Variants in PCDHA8 observed in about 807,000 individuals in gnomAD.
PCDHA8 encodes the protein protocadherin alpha-8.
Under a neutral mutation model 61.8 loss-of-function variants are expected in PCDHA8, and 53 were observed. That is an observed-to-expected ratio of 0.86 (90% CI 0.69 to 1.08). The LOEUF (loss-of-function observed/expected upper bound fraction) is 1.08. Among genes scored for constraint, PCDHA8 ranks in the 50% least tolerant of loss-of-function variants. The pLI is 0.00. For missense variants in PCDHA8, 1,293 were observed against 1,245.0 expected, an observed-to-expected ratio of 1.04 and a Z score of -0.58; for synonymous variants, 618 against 556.6, an observed-to-expected ratio of 1.11 and a Z score of -1.55.
intron 1 of PCDHA8, chr5:140,857,847 CTG>C: frequency 6.3e-7 from 1 of 1,597,872 alleles, no homozygotes; most frequent in Non-Finnish European, 8.6e-7. Flanking sequence ...GACGCTGACT[CTG>C]GATACAACGC....
intron 1 of PCDHA8, chr5:140,852,195 C>A: frequency 2.8e-6 from 2 of 709,280 alleles, no homozygotes; most frequent in African/African-American, 1.9e-5. Context: ...ATGCCAGTAA[C>A]GTTTATTTAA....
In PCDHA8 at chr5:140,843,187, C is replaced by T. The variant is rs2150354856; in HGVS notation, c.1866C>T (p.Phe622=). ...CTGCAAGCAGCCCTCGCATCCCGTT[C>T]CGCGTGGGGCTGTACACGGGCGAGA... is the stretch of plus-strand genomic sequence containing the variant. The part of the protein sequence containing the change: ...QPAASSPRIP[F]RVGLYTGEIS... Residue 622 remains phenylalanine, a synonymous_variant, in exon 1 of 4, where the codon TTC becomes TTT. Transcript: ENST00000531613. 32 of 1,595,934 alleles carry T rather than the reference C, an allele frequency of 2.0e-5. 2 individuals carry two copies. The East Asian group carries it at 2.0e-4, about 10-fold the overall frequency.
chr5:140,920,722 C>T (rs2079784294), intron 1 of PCDHA8, among the ~76,000 whole-genome samples: 1 of 151,872 alleles, frequency 6.6e-6, no homozygotes, highest in Non-Finnish European at 1.5e-5. Context: ...TGTGCGCCTG[C>T]AGTCCCAGCT....
In PCDHA8 at chr5:140,842,998, T is replaced by G. The variant is rs2150349585; in HGVS notation, c.1677T>G (p.Asn559Lys). ...TGCAGGTGTTCGTGCTGGACGAGAA[T>G]GACAACGCGCCGGCACTGCTGGAGC... ...VTLQVFVLDENDNAPALLEPR... is the reference protein window; with the variant it reads ...VTLQVFVLDEKDNAPALLEPR... Residue 559 changes from asparagine to lysine, a missense_variant, in exon 1 of 4, where the codon AAT (asparagine) becomes AAG (lysine). Asn to Lys is a moderately conservative substitution (Grantham distance 94, BLOSUM62 0). Transcript: ENST00000531613. 5 of 1,594,952 alleles carry G rather than the reference T, an allele frequency of 3.1e-6. No homozygotes were observed. The highest frequency in any genetic ancestry group is 4.3e-6 in the Non-Finnish European group (5 of 1,165,408).
At chr5:140,926,888 G>A in intron 1 of PCDHA8, 1 of 1,544,494 alleles carries the variant, frequency 6.5e-7, no homozygotes, top group Non-Finnish European at 8.7e-7. Flanking sequence ...ACGCCTAGAG[G>A]GAGGATGGTG....
At chr5:140,848,733 C>A (rs1554142396) in intron 1 of PCDHA8, 2 of 1,592,812 alleles carry the variant, frequency 1.3e-6, no homozygotes, top group South Asian at 2.2e-5. Flanking sequence ...GGTAAATCTG[C>A]AGAATGGCAT....
chr5:140,845,303 T>C (rs937124524), intron 1 of PCDHA8, among the ~76,000 whole-genome samples: 1 of 149,684 alleles, frequency 6.7e-6, no homozygotes, highest in African/African-American at 2.4e-5. Flanking sequence ...TATGTCTACC[T>C]GGTTCTCAGG....
chr5:140,932,203 T>C (rs1415160763), intron 1 of PCDHA8, among the ~76,000 whole-genome samples: 1 of 151,924 alleles, frequency 6.6e-6, no homozygotes, highest in Non-Finnish European at 1.5e-5. Context: ...TCTGTTAATA[T>C]TCTTGATGGG....
chr5:140,984,971 T>A (rs1437915679), intron 3 of PCDHA8, among the ~76,000 whole-genome samples: 1 of 152,080 alleles, frequency 6.6e-6, no homozygotes, highest in East Asian at 1.9e-4. Flanking sequence ...AGAGTCTCGC[T>A]CTGTCCCCCA....
chr5:140,986,397 C>G (rs943993265), intron 3 of PCDHA8, among the ~76,000 whole-genome samples: 1 of 152,162 alleles, frequency 6.6e-6, no homozygotes. Context: ...AAGGGCCAGT[C>G]GCTCATGTTA....
intron 1 of PCDHA8, chr5:140,863,174 C>T (rs781864500): frequency 1.4e-6 from 1 of 714,706 alleles, no homozygotes; most frequent in East Asian, 4.3e-5. Context: ...GCGCTGACTG[C>T]CACCGTCACC....
intron 1 of PCDHA8, among the ~76,000 whole-genome samples, chr5:140,895,301 C>T (rs2064953096): frequency 6.6e-6 from 1 of 152,000 alleles, no homozygotes; most frequent in Non-Finnish European, 1.5e-5. Flanking sequence ...TCGATTTCCC[C>T]CCTTCCACCC....
intron 3 of PCDHA8, among the ~76,000 whole-genome samples, chr5:140,994,582 G>A (rs1179279862): frequency 6.6e-6 from 1 of 152,062 alleles, no homozygotes; most frequent in Non-Finnish European, 1.5e-5. Context: ...GCATGCACTT[G>A]TAGTCTCAGC....
chr5:140,970,967 G>C (rs2096448125), intron 1 of PCDHA8, among the ~76,000 whole-genome samples: 2 of 152,206 alleles, frequency 1.3e-5, no homozygotes, highest in Non-Finnish European at 2.9e-5. Context: ...GCAGATTGTA[G>C]ATTAAGAAAA....
chr5:140,994,190 C>G (rs1377695035), intron 3 of PCDHA8, among the ~76,000 whole-genome samples: 1 of 152,136 alleles, frequency 6.6e-6, no homozygotes, highest in Non-Finnish European at 1.5e-5. Context: ...ACCACCAGGG[C>G]CTGTTGGTCC....
At chr5:140,968,808 TGGATAGGG>T (rs782488281) in intron 1 of PCDHA8, 2 of 1,614,204 alleles carry the variant, frequency 1.2e-6, no homozygotes, top group Non-Finnish European at 1.7e-6. Context: ...GTAGCTGTGG[TGGATAGGG>T]TTTCCAAAAT....
chr5:140,968,994 G>A lies in PCDHA8; in HGVS notation c.2395-9955G>A. 6.2e-7 allele frequency: 1 copy of A among 1,614,216 alleles called. No individual in the cohort carries two copies. The highest frequency in any genetic ancestry group is 8.5e-7 in the Non-Finnish European group (1 of 1,180,038). On this transcript the variant is annotated intron_variant, in intron 1 of 3. Transcript: ENST00000531613. ...ACTGCGTATGGCACTGCATGCTGTG[G>A]AGGCTTCTGTGGAGTAAGGGAAAGG...
chr5:140,944,992 C>T (rs561484046), intron 1 of PCDHA8, among the ~76,000 whole-genome samples: 11 of 152,114 alleles, frequency 7.2e-5, no homozygotes, highest in South Asian at 2.1e-4. Flanking sequence ...ACTTCTGTAA[C>T]GGTTGTGGGT....
At chr5:140,859,448 G>C (rs1434508059) in intron 1 of PCDHA8, 1 of 222,132 alleles carries the variant, frequency 4.5e-6, no homozygotes, top group African/African-American at 2.3e-5. Flanking sequence ...CTTAGTTGCA[G>C]AGTGACAAAA....
Sources: allele counts gnomAD v4.1 joint callset (sites outside exome capture counted in the v4.1 genomes callset), GRCh38; gene constraint gnomAD v4.1.1; transcripts MANE v1.5; gene names NCBI Gene and HGNC (gene_info 2026-07-23, HGNC 2026-07-21).